ALOX5: variants seen among roughly 807,000 people sequenced by gnomAD.
ALOX5 encodes the protein polyunsaturated fatty acid 5-lipoxygenase.
Under a neutral mutation model 87.9 loss-of-function variants are expected in ALOX5, and 64 were observed. The observed-to-expected ratio is 0.73, with a 90% CI of 0.60 to 0.90. The LOEUF is 0.90. Among genes scored for constraint, ALOX5 ranks in the 40% least tolerant of loss-of-function variants. ALOX5 has a pLI of 0.00. For synonymous variants in ALOX5, 388 were observed against 355.1 expected (o/e 1.09, Z -1.04); for missense variants, 822 against 907.5 (o/e 0.91, Z 1.21).
At chr10:45,439,671 C>G (rs928151362) in intron 7 of ALOX5, among the ~76,000 whole-genome samples, 1 of 152,188 alleles carries the variant, frequency 6.6e-6, no homozygotes, top group Non-Finnish European at 1.5e-5. Flanking sequence ...CATCAGCAAC[C>G]AGGTCACCAC....
chr10:45,443,635 C>T (rs555873639), intron 11 of ALOX5, 93 bp from the exon 12 acceptor site: 5 of 1,593,838 alleles, frequency 3.1e-6, no homozygotes, highest in African/African-American at 1.3e-5. Flanking sequence ...GGGTGCCCTC[C>T]GGCCTTGGGG....
At chr10:45,377,485 C>T (rs950346384) in intron 1 of ALOX5, among the ~76,000 whole-genome samples, 1 of 152,084 alleles carries the variant, frequency 6.6e-6, no homozygotes, top group African/African-American at 2.4e-5. Flanking sequence ...GAGGCCCCTT[C>T]TCTGCTCCCT....
chr10:45,411,810 C>T (rs892420427), intron 3 of ALOX5, among the ~76,000 whole-genome samples: 1 of 152,308 alleles, frequency 6.6e-6, no homozygotes, highest in South Asian at 2.1e-4. Context: ...CCAGGTTGGG[C>T]GTGGCTGGGC....
intron 2 of ALOX5, among the ~76,000 whole-genome samples, chr10:45,394,547 A>G (rs1297397581): frequency 1.3e-5 from 2 of 152,252 alleles, no homozygotes; most frequent in African/African-American, 4.8e-5. Flanking sequence ...AAGCATGGGC[A>G]AGGACTTCAT....
At chr10:45,379,060 C>T (rs1196602973) in intron 1 of ALOX5, among the ~76,000 whole-genome samples, 1 of 152,126 alleles carries the variant, frequency 6.6e-6, no homozygotes, top group Non-Finnish European at 1.5e-5. Flanking sequence ...CCCCACTGTC[C>T]ACTCCCTCAG....
chr10:45,436,673 A>C (rs1842069927), intron 7 of ALOX5, among the ~76,000 whole-genome samples: 1 of 152,074 alleles, frequency 6.6e-6, no homozygotes, highest in Non-Finnish European at 1.5e-5. Flanking sequence ...GTATAGTTTG[A>C]AGTCAGGTAA....
chr10:45,404,691 G>C (rs1172827947), intron 3 of ALOX5, among the ~76,000 whole-genome samples: 1 of 152,190 alleles, frequency 6.6e-6, no homozygotes, highest in East Asian at 1.9e-4. Flanking sequence ...ATGGGCAGGC[G>C]GGCTGTCTTT....
intron 8 of ALOX5, 95 bp downstream of exon 8, chr10:45,440,728 G>C: frequency 7.2e-7 from 1 of 1,385,252 alleles, no homozygotes; most frequent in Non-Finnish European, 9.9e-7. Context: ...CTGTGGCTGG[G>C]AGTGGGTGGC....
At position 45,440,618 on chromosome 10, in the gene ALOX5, G is replaced by A. The variant is rs745636462; in HGVS notation, c.1170G>A (p.Val390=). The A allele has an allele frequency of 6.2e-7, 1 of 1,614,096 alleles. No individual in the cohort carries two copies. Among genetic ancestry groups the A allele is most frequent in the African/African-American group, 1.3e-5 (1 of 75,014 alleles). The change falls in exon 8 of 14, where the codon GTG becomes GTA. Residue 390 remains valine (V), a synonymous_variant. Coordinates refer to ENST00000374391, the MANE Select transcript of ALOX5 (RefSeq NM_000698.5). The part of the protein sequence containing the change: ...GIAMYRQLPA[V]HPIFKLLVAH... ...CAATGTACCGCCAGCTGCCTGCTGT[G>A]CACCCCATTTTCAAGGTACAGCCAG...
chr10:45,395,605 TTA>T (rs1009854698), intron 2 of ALOX5, among the ~76,000 whole-genome samples: 4 of 75,496 alleles, frequency 5.3e-5, no homozygotes, highest in African/African-American at 2.8e-4. Context: ...TAAAGTAGAA[TTA>T]AAAAAAAAAA....
intron 2 of ALOX5, among the ~76,000 whole-genome samples, chr10:45,390,996 CCCTCTCCCCTCTCT>C (rs1385975479): frequency 2.0e-3 from 104 of 53,324 alleles, no homozygotes; most frequent in Middle Eastern, 7.4e-3. Flanking sequence ...CTCCCCTCTC[CCCTCTCCCCTCTCT>C]CCTCTCCCAT....
At chr10:45,424,821 G>T in intron 5 of ALOX5, 139 bp from the exon 6 acceptor site, 1 of 1,003,072 alleles carries the variant, frequency 1.0e-6, no homozygotes, top group Non-Finnish European at 1.5e-6. Context: ...GGGGGCAGCA[G>T]TTGGAGCTGT....
intron 4 of ALOX5, among the ~76,000 whole-genome samples, chr10:45,417,137 CCT>C (rs1026546080): frequency 2.6e-5 from 4 of 152,006 alleles, no homozygotes; most frequent in South Asian, 4.1e-4. Context: ...CCTGAGTGCC[CCT>C]GAGTGCCAGC....
intron 2 of ALOX5, among the ~76,000 whole-genome samples, chr10:45,390,578 C>G (rs1455550410): frequency 2.0e-5 from 3 of 152,212 alleles, no homozygotes; most frequent in African/African-American, 7.2e-5. Context: ...GAACAACCTG[C>G]ACCTGAATGA....
At chr10:45,428,381 A>G in intron 6 of ALOX5, 4 of 566,754 alleles carry the variant, frequency 7.1e-6, no homozygotes, top group Non-Finnish European at 1.2e-5. Context: ...TTCAGACACC[A>G]CAAATGCCGA....
At chr10:45,408,189 A>G (rs1477138361) in intron 3 of ALOX5, among the ~76,000 whole-genome samples, 1 of 152,202 alleles carries the variant, frequency 6.6e-6, no homozygotes, top group Non-Finnish European at 1.5e-5. Context: ...AAATATTTGA[A>G]AAGACTTATT....
In ALOX5 at chr10:45,424,945, C is replaced by T; in HGVS notation, c.662-15C>T. ...TACTCAGAGCTCAGGGTGGGCCTCG[C>T]TTTTCTCCTGGTAGAGCGGGTCATG... is the stretch of plus-strand genomic sequence containing the variant. On this transcript the variant is annotated splice_polypyrimidine_tract_variant and intron_variant, in intron 5 of 13. Coordinates refer to ENST00000374391, the MANE Select transcript of ALOX5 (RefSeq NM_000698.5). The T allele has an allele frequency of 6.2e-7, 1 of 1,613,884 alleles. No homozygotes were observed.
chr10:45,445,554 T>G lies in ALOX5; in HGVS notation c.1892T>G (p.Val631Gly). 6.2e-7 allele frequency: 1 copy of G among 1,614,128 alleles called. No homozygotes were observed. The highest frequency in any genetic ancestry group is 1.1e-5 in the South Asian group (1 of 91,074). Residue 631 changes from valine to glycine, a missense_variant, in exon 14 of 14, where the codon GTG (valine) becomes GGG (glycine). Transcript: ENST00000374391. ...GAAGAGCATTTTATCGAGAAGCCTGTGAAGGAAGCCATGGCCCGATTCCGC... is the reference window on the plus strand; with the variant it reads ...GAAGAGCATTTTATCGAGAAGCCTGGGAAGGAAGCCATGGCCCGATTCCGC... ...YPEEHFIEKP[V>G]KEAMARFRKN...
intron 4 of ALOX5, among the ~76,000 whole-genome samples, chr10:45,416,004 A>G (rs1036420480): frequency 6.6e-6 from 1 of 151,828 alleles, no homozygotes; most frequent in African/African-American, 2.4e-5. Context: ...TGCCAGGCCA[A>G]CCCCACACCC....
Sources: gnomAD v4.1 joint callset for allele counts (sites outside exome capture counted in the v4.1 genomes callset) on GRCh38, gnomAD v4.1.1 for gene constraint, MANE v1.5 for transcripts, NCBI Gene and HGNC (gene_info 2026-07-23, HGNC 2026-07-21) for gene names.